The following FAM13A variants were observed in gnomAD, a reference collection of about 807,000 sequenced individuals.
FAM13A encodes family with sequence similarity 13 member A, also known as protein FAM13A.
In FAM13A, 76 loss-of-function variants were observed where a neutral mutation model predicts 129.6. The ratio of observed to expected loss-of-function variants is 0.59; its 90% CI spans 0.49 to 0.71. The LOEUF is 0.71. FAM13A is among the 30% of genes least tolerant of loss of function. The pLI is 0.00. For synonymous variants in FAM13A, 443 were observed against 449.9 expected, an observed-to-expected ratio of 0.98 and a Z score of 0.20; for missense variants, 1,108 against 1,249.3, an observed-to-expected ratio of 0.89 and a Z score of 1.70.
intron 5 of FAM13A, among the ~76,000 whole-genome samples, chr4:88,929,714 C>A (rs770578026): frequency 6.6e-6 from 1 of 151,968 alleles, no homozygotes; most frequent in Non-Finnish European, 1.5e-5. Context: ...TGCTTCAGTG[C>A]ATTTTTTTAA....
intron 4 of FAM13A, among the ~76,000 whole-genome samples, chr4:88,964,624 C>T (rs1432616165): frequency 6.6e-6 from 1 of 150,778 alleles, no homozygotes; most frequent in African/African-American, 2.4e-5. Flanking sequence ...AACTAACATA[C>T]ACTCTGCTCT....
intron 19 of FAM13A, among the ~76,000 whole-genome samples, chr4:88,743,271 C>G (rs1268149328): frequency 6.6e-6 from 1 of 152,122 alleles, no homozygotes; most frequent in African/African-American, 2.4e-5. Flanking sequence ...GAACAGAAAT[C>G]AAAAAGGCCT....
chr4:89,011,942 G>A (rs1765790923), intron 3 of FAM13A, among the ~76,000 whole-genome samples: 1 of 151,960 alleles, frequency 6.6e-6, no homozygotes, highest in Admixed American at 6.6e-5. Flanking sequence ...TTAAAATCAA[G>A]ATGTTTAATT....
At chr4:88,931,465 C>T (rs1449916687) in intron 5 of FAM13A, among the ~76,000 whole-genome samples, 1 of 152,064 alleles carries the variant, frequency 6.6e-6, no homozygotes, top group African/African-American at 2.4e-5. Flanking sequence ...TCAGTCAGTC[C>T]CTGGCCATGC....
At chr4:89,022,354 T>C (rs1767385965) in intron 2 of FAM13A, among the ~76,000 whole-genome samples, 1 of 152,202 alleles carries the variant, frequency 6.6e-6, no homozygotes, top group South Asian at 2.1e-4. Context: ...ATCATTACCC[T>C]CATGGACTTT....
intron 4 of FAM13A, among the ~76,000 whole-genome samples, chr4:88,948,581 C>T (rs990764405): frequency 1.3e-5 from 2 of 151,972 alleles, no homozygotes; most frequent in Non-Finnish European, 1.5e-5. Context: ...CTCCGCCTCC[C>T]GGGTTCAAGC....
chr4:88,915,287 C>T (rs1194075274), intron 5 of FAM13A, among the ~76,000 whole-genome samples: 6 of 151,884 alleles, frequency 4.0e-5, no homozygotes, highest in East Asian at 1.9e-4. Flanking sequence ...TCTTAAAACT[C>T]GAAAGAAATA....
At chr4:88,829,480 T>C (rs930700761) in intron 7 of FAM13A, among the ~76,000 whole-genome samples, 2 of 152,142 alleles carry the variant, frequency 1.3e-5, no homozygotes, top group Non-Finnish European at 2.9e-5. Context: ...TAAAACACAC[T>C]AAGGAGCAAT....
At chr4:88,867,378 T>A (rs1740630562) in intron 6 of FAM13A, among the ~76,000 whole-genome samples, 1 of 152,158 alleles carries the variant, frequency 6.6e-6, no homozygotes. Context: ...AGGGAAATTA[T>A]GAACAGAAAG....
At chr4:89,050,743 C>A (rs1419839204) in intron 1 of FAM13A, among the ~76,000 whole-genome samples, 1 of 151,820 alleles carries the variant, frequency 6.6e-6, no homozygotes, top group Non-Finnish European at 1.5e-5. Flanking sequence ...GCCTGGCCAA[C>A]ATGGTGAAAC....
At chr4:88,945,660 G>T (rs1411646518) in intron 4 of FAM13A, among the ~76,000 whole-genome samples, 2 of 151,236 alleles carry the variant, frequency 1.3e-5, no homozygotes, top group African/African-American at 4.9e-5. Flanking sequence ...GCGACTGTTT[G>T]TTCAAATTGT....
At chr4:89,026,462 A>T (rs1044412829) in intron 2 of FAM13A, among the ~76,000 whole-genome samples, 1 of 152,212 alleles carries the variant, frequency 6.6e-6, no homozygotes, top group African/African-American at 2.4e-5. Flanking sequence ...AAAAAATATA[A>T]TTTTGTCATA....
chr4:88,912,194 A>T (rs1749179310), intron 5 of FAM13A, among the ~76,000 whole-genome samples: 1 of 152,198 alleles, frequency 6.6e-6, no homozygotes, highest in Non-Finnish European at 1.5e-5. Context: ...GTTCTGGAAG[A>T]GGCTGGTATT....
chr4:88,747,316 G>A (rs956815545), intron 18 of FAM13A, among the ~76,000 whole-genome samples: 3 of 152,116 alleles, frequency 2.0e-5, no homozygotes, highest in African/African-American at 7.2e-5. Flanking sequence ...AAGCAATGAC[G>A]ACGGTTATAC....
chr4:88,871,828 C>T (rs1741451411), intron 6 of FAM13A, among the ~76,000 whole-genome samples: 1 of 152,026 alleles, frequency 6.6e-6, no homozygotes, highest in Non-Finnish European at 1.5e-5. Flanking sequence ...AAAGCAACCC[C>T]AAGACACATA....
chr4:89,024,560 T>C (rs1284883239), intron 2 of FAM13A, among the ~76,000 whole-genome samples: 1 of 152,184 alleles, frequency 6.6e-6, no homozygotes, highest in Non-Finnish European at 1.5e-5. Context: ...TAGCAACCTA[T>C]GATTGAATTA....
chr4:88,942,188 A>G (rs1754871570), intron 4 of FAM13A, among the ~76,000 whole-genome samples: 1 of 152,150 alleles, frequency 6.6e-6, no homozygotes, highest in South Asian at 2.1e-4. Flanking sequence ...AGATGAAAAA[A>G]ACTGTTTTCT....
At chr4:88,729,670 C>T (rs1011139948) in intron 23 of FAM13A, 2 of 152,204 alleles carry the variant, frequency 1.3e-5, no homozygotes, top group Non-Finnish European at 2.9e-5. Context: ...GACACGAAGT[C>T]ATGGAACCAG....
chr4:88,989,417 C>T (rs1762672028), intron 4 of FAM13A, among the ~76,000 whole-genome samples: 2 of 152,034 alleles, frequency 1.3e-5, no homozygotes, highest in Admixed American at 1.3e-4. Flanking sequence ...GCCTGGGCAA[C>T]ATGGTGAAAC....
Sources: allele counts gnomAD v4.1 joint callset (sites outside exome capture counted in the v4.1 genomes callset), GRCh38; gene constraint gnomAD v4.1.1; transcripts MANE v1.5; gene names NCBI Gene and HGNC (gene_info 2026-07-23, HGNC 2026-07-21).